The following DPP6 variants were observed in gnomAD, a reference collection of about 807,000 sequenced individuals.
DPP6 encodes the protein dipeptidyl peptidase like 6.
DPP6 carries 69 observed loss-of-function variants against 122.6 expected under a neutral mutation model. The ratio of observed to expected loss-of-function variants is 0.56; its 90% CI spans 0.46 to 0.69. The LOEUF is 0.69. Among genes scored for constraint, DPP6 ranks in the 30% least tolerant of loss-of-function variants. DPP6 has a pLI of 0.00. For synonymous variants in DPP6, 418 were observed against 433.1 expected (o/e 0.97, Z 0.43); for missense variants, 928 against 1,116.9 (o/e 0.83, Z 2.41).
intron 5 of DPP6, among the ~76,000 whole-genome samples, chr7:154,605,871 G>C (rs1833570652): frequency 1.7e-5 from 2 of 119,134 alleles, no homozygotes; most frequent in African/African-American, 2.7e-5. Flanking sequence ...TGTGAGTCTT[G>C]ATACGGAGTG....
chr7:154,413,178 C>G (rs1275433833), intron 1 of DPP6, among the ~76,000 whole-genome samples: 1 of 152,234 alleles, frequency 6.6e-6, no homozygotes, highest in Non-Finnish European at 1.5e-5. Context: ...CCACCCCAGT[C>G]ATCCAATTCC....
chr7:153,984,415 T>G (rs549457723), intron 1 of DPP6, among the ~76,000 whole-genome samples: 238 of 152,304 alleles, frequency 1.6e-3, no homozygotes, highest in African/African-American at 5.2e-3. Context: ...ACCCCCAAAA[T>G]GAAGGCATCA....
chr7:153,817,906 T>TA, the DPP6 span, among the ~76,000 whole-genome samples: 2 of 150,378 alleles, frequency 1.3e-5, no homozygotes, highest in African/African-American at 4.9e-5. Flanking sequence ...CCCTAGAACT[T>TA]AAAGTATAAT....
At chr7:154,473,700 T>C (rs1382724220) in intron 2 of DPP6, among the ~76,000 whole-genome samples, 1 of 152,152 alleles carries the variant, frequency 6.6e-6, no homozygotes, top group Non-Finnish European at 1.5e-5. Flanking sequence ...CCACAGAGTT[T>C]AAAACACAAA....
chr7:154,454,822 A>C (rs1003092404), intron 2 of DPP6, among the ~76,000 whole-genome samples: 1 of 152,194 alleles, frequency 6.6e-6, no homozygotes, highest in Non-Finnish European at 1.5e-5. Flanking sequence ...TGTTGTATTA[A>C]TATAACGTTT....
chr7:154,129,912 AGAAAAAG>A (rs1808233842), intron 1 of DPP6, among the ~76,000 whole-genome samples: 1 of 150,504 alleles, frequency 6.6e-6, no homozygotes, highest in African/African-American at 2.4e-5. Flanking sequence ...AAAAAAAAAA[AGAAAAAG>A]AAAAAAATTA....
chr7:154,495,786 T>A (rs888894186), intron 3 of DPP6, among the ~76,000 whole-genome samples: 4 of 152,178 alleles, frequency 2.6e-5, no homozygotes, highest in African/African-American at 9.7e-5. Context: ...CTCCTTCTTT[T>A]AATAAGCTTG....
At chr7:154,494,494 A>T (rs1293306634) in intron 3 of DPP6, among the ~76,000 whole-genome samples, 1 of 151,482 alleles carries the variant, frequency 6.6e-6, no homozygotes, top group African/African-American at 2.4e-5. Flanking sequence ...GACACATCAC[A>T]CAAATGATCT....
At chr7:154,184,983 G>A (rs553925883) in intron 1 of DPP6, among the ~76,000 whole-genome samples, 1 of 152,270 alleles carries the variant, frequency 6.6e-6, no homozygotes, top group Admixed American at 6.5e-5. Flanking sequence ...GCCTCTGGGA[G>A]CCGATTTAAG....
the DPP6 span, among the ~76,000 whole-genome samples, chr7:153,778,646 G>A: frequency 2.0e-5 from 3 of 151,798 alleles, no homozygotes; most frequent in Non-Finnish European, 4.4e-5. Flanking sequence ...ATATACCCTT[G>A]TGCTCTTTTG....
the DPP6 span, among the ~76,000 whole-genome samples, chr7:153,824,114 C>T: frequency 8.5e-5 from 13 of 152,082 alleles, no homozygotes; most frequent in African/African-American, 9.7e-5. Flanking sequence ...TGGGGTTGGG[C>T]GCGGTGGCTT....
chr7:154,288,387 G>C (rs1804989100), intron 1 of DPP6, among the ~76,000 whole-genome samples: 1 of 152,212 alleles, frequency 6.6e-6, no homozygotes. Flanking sequence ...GGTTCCCACT[G>C]TAAGGAAGCC....
At chr7:154,691,178 AG>A (rs1482365963) in intron 7 of DPP6, among the ~76,000 whole-genome samples, 1 of 152,232 alleles carries the variant, frequency 6.6e-6, no homozygotes, top group African/African-American at 2.4e-5. Flanking sequence ...TCAAATGGTC[AG>A]GGTGTGATTT....
intron 1 of DPP6, among the ~76,000 whole-genome samples, chr7:154,076,721 T>C (rs2150520377): frequency 6.6e-6 from 1 of 152,164 alleles, no homozygotes; most frequent in Non-Finnish European, 1.5e-5. Context: ...TTTTTAAGCA[T>C]GGCGTGAAAC....
chr7:154,851,250 T>C (rs1313668803), intron 16 of DPP6, among the ~76,000 whole-genome samples: 1 of 124,692 alleles, frequency 8.0e-6, no homozygotes, highest in African/African-American at 2.5e-5. Flanking sequence ...CCTGTGGTTT[T>C]TTTCCTCTGT....
intron 1 of DPP6, among the ~76,000 whole-genome samples, chr7:153,910,867 C>T (rs763166658): frequency 2.6e-5 from 4 of 152,158 alleles, no homozygotes; most frequent in African/African-American, 7.2e-5. Flanking sequence ...CATCTGACCA[C>T]GTCTCCCCTC....
At chr7:154,631,369 G>A (rs1293636964) in intron 5 of DPP6, among the ~76,000 whole-genome samples, 1 of 152,224 alleles carries the variant, frequency 6.6e-6, no homozygotes, top group Non-Finnish European at 1.5e-5. Flanking sequence ...AAATCAGAAA[G>A]ATGCCACGTG....
chr7:153,788,602 A>G, the DPP6 span, among the ~76,000 whole-genome samples: 1 of 152,204 alleles, frequency 6.6e-6, no homozygotes, highest in African/African-American at 2.4e-5. Flanking sequence ...AAAGGAGTTC[A>G]TACTGCCATA....
At chr7:154,233,563 C>T (rs1046405147) in intron 1 of DPP6, among the ~76,000 whole-genome samples, 1 of 152,160 alleles carries the variant, frequency 6.6e-6, no homozygotes, top group African/African-American at 2.4e-5. Flanking sequence ...AATTTGGACA[C>T]AGACACCCAC....
Sources: gnomAD v4.1 joint callset for allele counts (sites outside exome capture counted in the v4.1 genomes callset) on GRCh38, gnomAD v4.1.1 for gene constraint, MANE v1.5 for transcripts, NCBI Gene and HGNC (gene_info 2026-07-23, HGNC 2026-07-21) for gene names.